Variants in PEX5L observed in about 807,000 individuals in gnomAD.
PEX5L encodes peroxisomal biogenesis factor 5 like.
In PEX5L, 30 loss-of-function variants were observed where a neutral mutation model predicts 84.0. That is an observed-to-expected ratio of 0.36 (90% CI 0.27 to 0.48). PEX5L has a LOEUF of 0.48. Ranked by LOEUF, PEX5L falls within the 20% of genes least tolerant of loss-of-function variation. PEX5L has a pLI of 0.99. For synonymous variants in PEX5L, 270 were observed against 283.1 expected (o/e 0.95, Z 0.46); for missense variants, 533 against 754.6 (o/e 0.71, Z 3.44).
At chr3:179,851,483 G>A (rs879256331) in intron 8 of PEX5L, among the ~76,000 whole-genome samples, 2 of 151,992 alleles carry the variant, frequency 1.3e-5, no homozygotes, top group Non-Finnish European at 2.9e-5. Context: ...ATGCTAAAGG[G>A]GCAAAACATT....
chr3:179,983,134 T>C (rs1786489512), intron 1 of PEX5L, among the ~76,000 whole-genome samples: 1 of 152,018 alleles, frequency 6.6e-6, no homozygotes, highest in Admixed American at 6.6e-5. Context: ...CATAGATACA[T>C]GTATGCATGC....
intron 2 of PEX5L, among the ~76,000 whole-genome samples, chr3:179,961,552 T>C (rs1782045622): frequency 6.6e-6 from 1 of 152,036 alleles, no homozygotes; most frequent in Non-Finnish European, 1.5e-5. Context: ...GTCGGGGCAA[T>C]GGCAGAGCGT....
At chr3:179,988,877 G>A (rs563336901) in intron 1 of PEX5L, among the ~76,000 whole-genome samples, 1 of 152,322 alleles carries the variant, frequency 6.6e-6, no homozygotes, top group African/African-American at 2.4e-5. Flanking sequence ...GTTGGGCATT[G>A]TAAAGAAATA....
intron 2 of PEX5L, among the ~76,000 whole-genome samples, chr3:179,898,965 C>T (rs938464527): frequency 1.1e-4 from 16 of 151,918 alleles, no homozygotes; most frequent in South Asian, 2.1e-4. Flanking sequence ...CCATAACTGA[C>T]GTAAAGGATA....
chr3:180,024,150 T>C (rs1790685917), intron 1 of PEX5L, among the ~76,000 whole-genome samples: 2 of 151,806 alleles, frequency 1.3e-5, no homozygotes, highest in South Asian at 4.2e-4. Flanking sequence ...TGTCTCCTTT[T>C]AGAAAGACCT....
Position 179,796,771 on chromosome 3 carries a change from G to C in PEX5L, c.*5057C>G, listed in dbSNP as rs1392857851. On this transcript the variant is annotated 3_prime_UTR_variant, in exon 15 of 15. Transcript: ENST00000467460. ...ATTTCAGAGTTGGTTCTGAGTGACC[G>C]TGAAATCACCTCATCACTCCCTAAA... The C allele has an allele frequency of 6.6e-6, 1 of 152,094 alleles. No homozygotes were observed. The highest frequency in any genetic ancestry group is 1.5e-5 in the Non-Finnish European group (1 of 68,010). The allele number at this position is 152,094 out of a possible 1,614,324, so 9.4% of individuals were successfully genotyped here. A position where few individuals can be genotyped will look rare whatever the true frequency, so the allele number is the denominator to read the frequency against.
At chr3:179,850,175 G>A (rs1741250924) in intron 8 of PEX5L, among the ~76,000 whole-genome samples, 1 of 151,378 alleles carries the variant, frequency 6.6e-6, no homozygotes, top group Non-Finnish European at 1.5e-5. Context: ...TGCCCAGGCT[G>A]GAGTGCAGTG....
At chr3:179,875,210 G>T in intron 6 of PEX5L, 144 bp downstream of exon 6, 1 of 681,538 alleles carries the variant, frequency 1.5e-6, no homozygotes, top group South Asian at 2.0e-5. Flanking sequence ...AATTTGAGTT[G>T]GTAGAAGCCA....
intron 8 of PEX5L, among the ~76,000 whole-genome samples, chr3:179,821,862 CT>C (rs747756435): frequency 2.2e-4 from 33 of 152,258 alleles, no homozygotes; most frequent in Non-Finnish European, 3.5e-4. Flanking sequence ...AGAAATGTGC[CT>C]TTGAATGAAG....
intron 8 of PEX5L, 86 bp from the exon 9 acceptor site, chr3:179,820,062 AG>A: frequency 6.3e-7 from 1 of 1,583,502 alleles, no homozygotes; most frequent in South Asian, 1.2e-5. Flanking sequence ...TAGATAAAAG[AG>A]GCTTCTGGGG....
intron 9 of PEX5L, among the ~76,000 whole-genome samples, chr3:179,817,637 G>A (rs1405521073): frequency 2.6e-5 from 4 of 152,188 alleles, no homozygotes; most frequent in Non-Finnish European, 5.9e-5. Context: ...TCTGAGAGAT[G>A]TTATTTGTTG....
chr3:179,893,601 T>C (rs978392784), intron 3 of PEX5L, among the ~76,000 whole-genome samples: 2 of 152,184 alleles, frequency 1.3e-5, no homozygotes, highest in Admixed American at 1.3e-4. Flanking sequence ...TTGTAGATGA[T>C]AAAACAATGT....
At chr3:179,931,619 T>C (rs1433671194) in intron 2 of PEX5L, among the ~76,000 whole-genome samples, 1 of 152,192 alleles carries the variant, frequency 6.6e-6, no homozygotes, top group African/African-American at 2.4e-5. Flanking sequence ...ATTATTCTTA[T>C]CTGTTTCTTT....
intron 1 of PEX5L, chr3:179,973,880 T>A: frequency 2.0e-6 from 2 of 985,474 alleles, no homozygotes; most frequent in Middle Eastern, 5.2e-4. Context: ...ACCTCTAGTC[T>A]CCAAACAGCA....
chr3:180,034,367 C>T (rs1428931041), intron 1 of PEX5L, among the ~76,000 whole-genome samples: 1 of 152,172 alleles, frequency 6.6e-6, no homozygotes, highest in East Asian at 1.9e-4. Context: ...AGATTTTAAT[C>T]ATACACATTT....
intron 1 of PEX5L, among the ~76,000 whole-genome samples, chr3:180,023,405 A>G (rs955916543): frequency 6.6e-6 from 1 of 152,228 alleles, no homozygotes; most frequent in Non-Finnish European, 1.5e-5. Flanking sequence ...ATGAGGAGAC[A>G]TACGGCAGCA....
intron 2 of PEX5L, among the ~76,000 whole-genome samples, chr3:179,947,746 G>A (rs1333609003): frequency 9.9e-5 from 14 of 141,676 alleles, no homozygotes; most frequent in South Asian, 2.2e-4. Flanking sequence ...TCACTCTGTC[G>A]CCTAGGCTGG....
At position 179,879,962 on chromosome 3, in the gene PEX5L, G is replaced by A; in HGVS notation, c.472C>T (p.Leu158Phe). The A allele has an allele frequency of 1.9e-6, 3 of 1,606,878 alleles. No individual in the cohort carries two copies. The highest frequency in any genetic ancestry group is 2.5e-6 in the Non-Finnish European group (3 of 1,177,752). Residue 158 changes from leucine to phenylalanine, a missense_variant, in exon 5 of 15, where the codon CTC becomes TTC. Physicochemically the swap from Leu to Phe is conservative, Grantham distance 22. Around this residue, in one of 8 missense-constraint regions of PEX5L, gnomAD observed 259 missense variants for 301.7 expected, o/e 0.86. Coordinates refer to ENST00000467460, the MANE Select transcript of PEX5L (RefSeq NM_016559.3). ...AAGGATGAAGTCTCCGGGACTCTGAGAGGCTGGCCTCTCTGCTCAGCATCC... is the reference window on the plus strand; with the variant it reads ...AAGGATGAAGTCTCCGGGACTCTGAAAGGCTGGCCTCTCTGCTCAGCATCC... ...STDAEQRGQP[L>F]RVPETSSLDL...
At chr3:179,954,037 C>G (rs6804380) in intron 2 of PEX5L, among the ~76,000 whole-genome samples, 1 of 151,998 alleles carries the variant, frequency 6.6e-6, no homozygotes, top group African/African-American at 2.4e-5. Flanking sequence ...CTCTCAATGT[C>G]GTTAATTCTA....
Sources: allele counts gnomAD v4.1 joint callset (sites outside exome capture counted in the v4.1 genomes callset), GRCh38; gene constraint gnomAD v4.1.1; regional missense constraint gnomAD v4.1.1; transcripts MANE v1.5; gene names NCBI Gene and HGNC (gene_info 2026-07-23, HGNC 2026-07-21).